MBNL1: variants seen among roughly 807,000 people sequenced by gnomAD.
MBNL1 encodes the protein muscleblind like splicing regulator 1, also known as muscleblind-like protein 1.
Under a neutral mutation model 42.2 loss-of-function variants are expected in MBNL1, and 8 were observed. The ratio of observed to expected loss-of-function variants is 0.19; its 90% confidence interval spans 0.11 to 0.34. The LOEUF is 0.34. Among genes scored for constraint, MBNL1 ranks in the 10% least tolerant of loss-of-function variants. The pLI, the probability that MBNL1 is intolerant of heterozygous loss-of-function variation, is 1.00. For synonymous variants in MBNL1, 169 were observed against 173.9 expected (o/e 0.97, Z 0.22); for missense variants, 309 against 495.3 (o/e 0.62, Z 3.57).
At chr3:152,306,831 A>G (rs997913367) in intron 2 of MBNL1, among the ~76,000 whole-genome samples, 1 of 152,116 alleles carries the variant, frequency 6.6e-6, no homozygotes. Flanking sequence ...AAGAGATACC[A>G]CTTTTGAAGA....
intron 2 of MBNL1, among the ~76,000 whole-genome samples, chr3:152,312,353 G>A (rs1211622721): frequency 1.3e-5 from 2 of 152,172 alleles, no homozygotes; most frequent in African/African-American, 4.8e-5. Context: ...TGTTATAAGT[G>A]TCCTTTCCTG....
chr3:152,461,413 G>GT (rs959879091), intron 9 of MBNL1, among the ~76,000 whole-genome samples: 3 of 152,242 alleles, frequency 2.0e-5, no homozygotes, highest in Admixed American at 1.3e-4. Flanking sequence ...AGAAGAAGAG[G>GT]TTTTTTTGAC....
intron 1 of MBNL1, among the ~76,000 whole-genome samples, chr3:152,286,604 A>G (rs968938520): frequency 6.9e-6 from 1 of 145,904 alleles, no homozygotes; most frequent in Non-Finnish European, 1.5e-5. Flanking sequence ...TATAGGTTGA[A>G]TAGGTTCCTT....
intron 2 of MBNL1, among the ~76,000 whole-genome samples, chr3:152,259,913 A>C (rs777437804): frequency 3.3e-5 from 5 of 152,214 alleles, no homozygotes; most frequent in Non-Finnish European, 7.3e-5. Flanking sequence ...CACCAGATAC[A>C]CACTCTCATT....
At position 152,460,569 on chromosome 3, in the gene MBNL1, C is replaced by G. The variant is rs1487135400; in HGVS notation, c.*18+1224C>G. On this transcript the variant is annotated intron_variant, in intron 9 of 9. Transcript: ENST00000324210. ...GCATGGCACATGTATACATATGTAA[C>G]TAACCTGCACAATGTGCACATGTAC... 2.0e-5 allele frequency among the ~76,000 whole-genome samples: 3 copies of G among 148,332 alleles called. No homozygotes were observed. In the South Asian group the frequency reaches 6.5e-4, roughly 32 times the overall value.
chr3:152,338,429 C>T (rs773698039), intron 2 of MBNL1: 381 of 985,186 alleles, frequency 3.9e-4, no homozygotes, highest in Non-Finnish European at 4.5e-4. Context: ...AGTTGAGCAC[C>T]GTGCTGGGTA....
chr3:152,367,292 C>G (rs1021013120), intron 2 of MBNL1, among the ~76,000 whole-genome samples: 1 of 148,228 alleles, frequency 6.7e-6, no homozygotes, highest in African/African-American at 2.5e-5. Context: ...TTTTTCTGTT[C>G]CTGTGTTAGT....
At chr3:152,351,180 A>G (rs931173673) in intron 2 of MBNL1, among the ~76,000 whole-genome samples, 2 of 152,336 alleles carry the variant, frequency 1.3e-5, no homozygotes, top group African/African-American at 2.4e-5. Flanking sequence ...AGTTGTAACT[A>G]TAATTCATTG....
chr3:152,452,906 G>C (rs1365396784), intron 6 of MBNL1, among the ~76,000 whole-genome samples: 1 of 152,196 alleles, frequency 6.6e-6, no homozygotes, highest in African/African-American at 2.4e-5. Flanking sequence ...GCAACGAAAG[G>C]CCAGGAAACT....
intron 2 of MBNL1, among the ~76,000 whole-genome samples, chr3:152,347,899 G>C (rs2094486178): frequency 6.6e-6 from 1 of 152,004 alleles, no homozygotes; most frequent in South Asian, 2.1e-4. Context: ...TATGAATTCT[G>C]CTCATGAATC....
rs530260717 is a variant in MBNL1, at chr3:152,465,041, A to G, written c.*2675A>G. The G allele has an allele frequency of 3.3e-5, 5 of 152,704 alleles. No individual in the cohort carries two copies. Among genetic ancestry groups the G allele is most frequent in the Non-Finnish European group, 7.4e-5 (5 of 68,022 alleles). 9.5% of individuals were successfully genotyped at this position (152,704 alleles called of 1,614,324 possible). ...TGCCAGGATTTTTTCAGCTGGAAAG[A>G]TACGCCATCCTTTCAAACCCTCATG... On this transcript the variant is annotated 3_prime_UTR_variant, in exon 10 of 10. Transcript: ENST00000324210.
At chr3:152,369,488 C>T (rs558695232) in intron 2 of MBNL1, among the ~76,000 whole-genome samples, 2 of 152,152 alleles carry the variant, frequency 1.3e-5, no homozygotes, top group African/African-American at 2.4e-5. Context: ...TGTTGTGTCT[C>T]TGGAGGTTTT....
In MBNL1 at chr3:152,357,992, G is replaced by GGTGT. The variant is rs10694488; in HGVS notation, c.175-56935_175-56932dup. ...GAAAAGGTCAAAATGAAGTTAGAAG[G>GGTGT]GTGTGTGTGTGTGTGTGCGCACGCA... On this transcript the variant is annotated intron_variant, in intron 2 of 9. Coordinates refer to ENST00000324210, the MANE Select transcript of MBNL1 (RefSeq NM_021038.5). Among the ~76,000 whole-genome samples the GGTGT allele has an allele frequency of 5.0e-3, 763 of 151,130 alleles. 14 individuals are homozygous for GGTGT. The East Asian group carries it at 0.058, about 12-fold the overall frequency.
chr3:152,357,928 A>G (rs1228221169), intron 2 of MBNL1, among the ~76,000 whole-genome samples: 1 of 152,198 alleles, frequency 6.6e-6, no homozygotes, highest in Non-Finnish European at 1.5e-5. Context: ...ATTGAAATAA[A>G]TATGGGGATT....
chr3:152,292,974 GT>G (rs1380759964), intron 1 of MBNL1, among the ~76,000 whole-genome samples: 1 of 151,986 alleles, frequency 6.6e-6, no homozygotes, highest in Non-Finnish European at 1.5e-5. Flanking sequence ...CTACTATGTT[GT>G]TCAGGCTGGT....
rs533616398 is a variant in MBNL1 at position 152,373,594 on chromosome 3, G to T, written c.175-41347G>T. Reference sequence around the variant, plus strand: ...TTCTCACCCCTTGAGCTTACCGTGTGAGGTGATGCACCCCCCCTGCTTTGG... The same window carrying T: ...TTCTCACCCCTTGAGCTTACCGTGTTAGGTGATGCACCCCCCCTGCTTTGG... On this transcript the variant is annotated intron_variant, in intron 2 of 9. Transcript: ENST00000324210. Among the ~76,000 whole-genome samples, 3 of 152,228 alleles carry T rather than the reference G, an allele frequency of 2.0e-5. No homozygotes were observed. In the South Asian group the frequency reaches 6.2e-4, roughly 32 times the overall value.
intron 2 of MBNL1, among the ~76,000 whole-genome samples, chr3:152,325,601 T>C (rs987474427): frequency 1.3e-5 from 2 of 152,118 alleles, no homozygotes; most frequent in Admixed American, 1.3e-4. Flanking sequence ...ATTTTTGTAG[T>C]AGGTAAGTCA....
chr3:152,340,597 A>G, intron 2 of MBNL1: 2 of 1,614,040 alleles, frequency 1.2e-6, no homozygotes, highest in Non-Finnish European at 1.7e-6. Flanking sequence ...CATACTTCCA[A>G]GTTTGGAAAC....
At chr3:152,353,325 C>G (rs1000941231) in intron 2 of MBNL1, among the ~76,000 whole-genome samples, 2 of 152,160 alleles carry the variant, frequency 1.3e-5, no homozygotes, top group African/African-American at 4.8e-5. Context: ...TTCCAATAAT[C>G]TCTTCTGGGA....
Sources: allele counts gnomAD v4.1 joint callset (sites outside exome capture counted in the v4.1 genomes callset), GRCh38; gene constraint gnomAD v4.1.1; transcripts MANE v1.5; gene names NCBI Gene and HGNC (gene_info 2026-07-23, HGNC 2026-07-21).